The following RFX3 variants were observed in gnomAD, a reference collection of about 807,000 sequenced individuals.
The protein encoded by RFX3 is transcription factor RFX3.
RFX3 carries 14 observed loss-of-function variants against 98.6 expected under a neutral mutation model. That is an observed-to-expected ratio of 0.14 (90% CI 0.09 to 0.22). The LOEUF is 0.22. Ranked by LOEUF, RFX3 falls within the 10% of genes least tolerant of loss-of-function variation. The pLI is 1.00. For synonymous variants in RFX3, 383 were observed against 328.4 expected, an observed-to-expected ratio of 1.17 and a Z score of -1.80; for missense variants, 639 against 926.9, an observed-to-expected ratio of 0.69 and a Z score of 4.03.
At chr9:3,487,404 C>A (rs1850367751) in intron 1 of RFX3, among the ~76,000 whole-genome samples, 1 of 152,080 alleles carries the variant, frequency 6.6e-6, no homozygotes, top group Admixed American at 6.6e-5. Flanking sequence ...TCTTTAAAGA[C>A]CAATTGTTAT....
intron 4 of RFX3, among the ~76,000 whole-genome samples, chr9:3,323,244 A>G (rs187090495): frequency 1.3e-5 from 2 of 152,304 alleles, no homozygotes; most frequent in East Asian, 1.9e-4. Flanking sequence ...AGAACTGACA[A>G]TTGGTCATAG....
intron 1 of RFX3, among the ~76,000 whole-genome samples, chr9:3,494,147 A>G (rs747257966): frequency 6.6e-6 from 1 of 152,174 alleles, no homozygotes; most frequent in Non-Finnish European, 1.5e-5. Flanking sequence ...GTTAGAAGAC[A>G]CTATAGAAAA....
chr9:3,448,118 T>C (rs1846211828), intron 1 of RFX3, among the ~76,000 whole-genome samples: 2 of 152,158 alleles, frequency 1.3e-5, no homozygotes, highest in South Asian at 4.1e-4. Context: ...AGACATATAA[T>C]TAATTTGCTC....
intron 3 of RFX3, among the ~76,000 whole-genome samples, chr9:3,335,122 A>AAAT (rs969542879): frequency 9.9e-5 from 15 of 151,966 alleles, no homozygotes; most frequent in African/African-American, 3.6e-4. Context: ...CCATCTCAAA[A>AAAT]AATAATAATA....
intron 1 of RFX3, among the ~76,000 whole-genome samples, chr9:3,504,805 T>TATG (rs1419917318): frequency 1.4e-5 from 1 of 71,572 alleles, no homozygotes; most frequent in East Asian, 3.0e-4. Context: ...TTATATTATA[T>TATG]ATAAAATATA....
At chr9:3,233,143 A>C (rs949512313) in intron 15 of RFX3, among the ~76,000 whole-genome samples, 7 of 152,324 alleles carry the variant, frequency 4.6e-5, no homozygotes, top group Admixed American at 1.3e-4. Context: ...CAGGCTGGGA[A>C]ATGCATGCTC....
At chr9:3,385,105 C>T (rs1255865064) in intron 2 of RFX3, among the ~76,000 whole-genome samples, 1 of 152,140 alleles carries the variant, frequency 6.6e-6, no homozygotes, top group Non-Finnish European at 1.5e-5. Context: ...ATTTTTAGCA[C>T]ACATAAATAA....
chr9:3,447,332 A>AT (rs1287137031), intron 1 of RFX3, among the ~76,000 whole-genome samples: 1 of 152,102 alleles, frequency 6.6e-6, no homozygotes, highest in Non-Finnish European at 1.5e-5. Context: ...AAGTATAATC[A>AT]TTTTTTTCTG....
Position 3,525,923 on chromosome 9 carries a change from C to A in RFX3, c.-185G>T. On this transcript the variant is annotated 5_prime_UTR_variant, in exon 1 of 17. Transcript: ENST00000617270. ...ACAAGGCAACGGTTGCTATAACTCACAAAAGAGAGAGAGAGAGGGAGAGAG... is the reference window on the plus strand; with the variant it reads ...ACAAGGCAACGGTTGCTATAACTCAAAAAAGAGAGAGAGAGAGGGAGAGAG... The A allele has an allele frequency of 1.0e-6, 1 of 961,538 alleles. No individual in the cohort carries two copies. Among genetic ancestry groups the A allele is most frequent in the African/African-American group, 1.9e-5 (1 of 52,482 alleles). 59.6% of individuals were successfully genotyped at this position (961,538 alleles called of 1,614,324 possible). A position where few individuals can be genotyped will look rare whatever the true frequency, so the allele number is the denominator to read the frequency against.
intron 4 of RFX3, among the ~76,000 whole-genome samples, chr9:3,327,005 G>A (rs922085615): frequency 4.1e-4 from 62 of 152,020 alleles, no homozygotes; most frequent in African/African-American, 1.4e-3. Flanking sequence ...GTTATATGTC[G>A]AACACTAAAG....
At chr9:3,398,064 G>C (rs1841077663) in intron 1 of RFX3, among the ~76,000 whole-genome samples, 1 of 152,178 alleles carries the variant, frequency 6.6e-6, no homozygotes, top group Admixed American at 6.5e-5. Flanking sequence ...GAAAGAAACT[G>C]AAAGTCCAGA....
intron 2 of RFX3, among the ~76,000 whole-genome samples, chr9:3,379,586 TATA>T (rs1838946730): frequency 6.6e-6 from 1 of 152,198 alleles, no homozygotes; most frequent in African/African-American, 2.4e-5. Flanking sequence ...AAATCTCAGT[TATA>T]ATGTGGTTAT....
intron 3 of RFX3, among the ~76,000 whole-genome samples, chr9:3,341,385 C>G (rs1232432500): frequency 6.7e-6 from 1 of 149,858 alleles, no homozygotes; most frequent in African/African-American, 2.5e-5. Flanking sequence ...GCACATGTAC[C>G]CTAAAACTTA....
chr9:3,462,889 T>A (rs1056344473), intron 1 of RFX3, among the ~76,000 whole-genome samples: 5 of 152,072 alleles, frequency 3.3e-5, no homozygotes, highest in African/African-American at 1.2e-4. Flanking sequence ...CACTAAAAAC[T>A]GCAAGACACT....
intron 1 of RFX3, among the ~76,000 whole-genome samples, chr9:3,490,627 A>G (rs911369099): frequency 3.9e-5 from 6 of 152,110 alleles, no homozygotes. Flanking sequence ...TGTAATAATA[A>G]GAAATATAAA....
At chr9:3,360,333 G>C (rs1836264279) in intron 2 of RFX3, among the ~76,000 whole-genome samples, 1 of 151,970 alleles carries the variant, frequency 6.6e-6, no homozygotes, top group African/African-American at 2.4e-5. Flanking sequence ...GGTGGAATTA[G>C]CAGGAATAAT....
intron 1 of RFX3, among the ~76,000 whole-genome samples, chr9:3,427,292 A>T (rs1261741271): frequency 3.5e-5 from 5 of 143,692 alleles, no homozygotes; most frequent in African/African-American, 1.3e-4. Flanking sequence ...AATACTATAT[A>T]TAAATATATA....
chr9:3,317,847 G>A (rs1563917550), intron 4 of RFX3, among the ~76,000 whole-genome samples: 1 of 152,186 alleles, frequency 6.6e-6, no homozygotes, highest in African/African-American at 2.4e-5. Context: ...AGTTAGAATG[G>A]CGATCATTAA....
intron 1 of RFX3, among the ~76,000 whole-genome samples, chr9:3,453,125 G>C (rs1453015569): frequency 6.6e-6 from 1 of 151,980 alleles, no homozygotes; most frequent in African/African-American, 2.4e-5. Context: ...AAATTTCTTA[G>C]CCTAGTGACA....
Sources: allele counts gnomAD v4.1 joint callset (sites outside exome capture counted in the v4.1 genomes callset), GRCh38; gene constraint gnomAD v4.1.1; transcripts MANE v1.5; gene names NCBI Gene and HGNC (gene_info 2026-07-23, HGNC 2026-07-21).